The following SLC25A30 variants were observed in gnomAD, a reference collection of about 807,000 sequenced individuals.
SLC25A30 encodes kidney mitochondrial carrier protein 1.
A neutral mutation model predicts 42.7 loss-of-function variants in SLC25A30; 29 were observed. The ratio of observed to expected loss-of-function variants is 0.68; its 90% CI spans 0.51 to 0.93. The LOEUF (loss-of-function observed/expected upper bound fraction) is 0.93, where lower values mean the gene tolerates loss of function less well. Ranked by LOEUF, SLC25A30 falls within the 40% of genes least tolerant of loss-of-function variation. The pLI, the probability that SLC25A30 is intolerant of heterozygous loss-of-function variation, is 0.00. For synonymous variants in SLC25A30, 124 were observed against 131.0 expected (o/e 0.95, Z 0.37); for missense variants, 300 against 359.7 (o/e 0.83, Z 1.34).
intron 1 of SLC25A30, among the ~76,000 whole-genome samples, chr13:45,413,514 G>A (rs1343590845): frequency 6.6e-6 from 1 of 151,770 alleles, no homozygotes; most frequent in Non-Finnish European, 1.5e-5. Context: ...TTGAGCCTAG[G>A]AGTTCAAGAC....
chr13:45,432,780 T>C, the SLC25A30 span, among the ~76,000 whole-genome samples: 3 of 150,296 alleles, frequency 2.0e-5, no homozygotes, highest in Non-Finnish European at 4.4e-5. Context: ...TTTGCACCTG[T>C]AATCCCAGCA....
intron 1 of SLC25A30, among the ~76,000 whole-genome samples, chr13:45,413,553 CTCT>C (rs1478104960): frequency 2.1e-5 from 3 of 146,294 alleles, no homozygotes; most frequent in Non-Finnish European, 3.0e-5. Flanking sequence ...CAGACTCCAT[CTCT>C]TTTTTTTTTT....
chr13:45,432,876 A>C, the SLC25A30 span, among the ~76,000 whole-genome samples: 10 of 151,852 alleles, frequency 6.6e-5, no homozygotes, highest in Non-Finnish European at 8.8e-5. Context: ...CAAAAAAAAA[A>C]CAAAAAAAAA....
At chr13:45,407,195 T>G (rs1017618453) in intron 3 of SLC25A30, among the ~76,000 whole-genome samples, 2 of 152,014 alleles carry the variant, frequency 1.3e-5, no homozygotes, top group Non-Finnish European at 2.9e-5. Flanking sequence ...GTCAGGAGTT[T>G]AAGACCAGCC....
upstream of SLC25A30, among the ~76,000 whole-genome samples, chr13:45,421,854 A>G (rs1335875321): frequency 6.6e-5 from 10 of 152,196 alleles, no homozygotes; most frequent in Admixed American, 6.5e-4. Context: ...CCCTCCAGCC[A>G]TAAGAATCCA....
the SLC25A30 span, among the ~76,000 whole-genome samples, chr13:45,425,159 AAT>A: frequency 0.038 from 3,365 of 88,016 alleles, 521 homozygotes; most frequent in Non-Finnish European, 0.057. Context: ...TATATTGATA[AAT>A]ATATATAAGT....
chr13:45,424,797 T>G, the SLC25A30 span, among the ~76,000 whole-genome samples: 1 of 56,778 alleles, frequency 1.8e-5, no homozygotes, highest in Non-Finnish European at 3.2e-5. Context: ...TAAAAGAATA[T>G]AAATATATAA....
upstream of SLC25A30, among the ~76,000 whole-genome samples, chr13:45,419,952 A>G (rs148391474): frequency 2.4e-3 from 348 of 147,230 alleles, no homozygotes; most frequent in African/African-American, 8.5e-3. Context: ...CGCGAGAGAA[A>G]GAAAAGGAAA....
At position 45,399,091 on chromosome 13, in the gene SLC25A30, C is replaced by T. The variant is rs1328656616; in HGVS notation, c.615-13G>A. On this transcript the variant is annotated splice_polypyrimidine_tract_variant and intron_variant, in intron 7 of 9. Transcript: ENST00000519676. ...GGTGAAGCTTGAGCTATAAAGACAC[C>T]ATTGGAAAAAAAAAAAAAAGTTAAC... is the stretch of plus-strand genomic sequence containing the variant. The T allele has an allele frequency of 9.7e-6, 15 of 1,552,486 alleles. No individual in the cohort carries two copies. The highest frequency in any genetic ancestry group is 1.2e-5 in the Non-Finnish European group (14 of 1,155,296).
At chr13:45,429,050 C>A in the SLC25A30 span, among the ~76,000 whole-genome samples, 1 of 143,230 alleles carries the variant, frequency 7.0e-6, no homozygotes, top group East Asian at 2.0e-4. Context: ...TACATATGTG[C>A]AAGCTCTTTT....
chr13:45,423,464 T>C, the SLC25A30 span, among the ~76,000 whole-genome samples: 1 of 143,758 alleles, frequency 7.0e-6, no homozygotes, highest in African/African-American at 2.6e-5. Flanking sequence ...CATGGACCAA[T>C]TTATCCAGTA....
chr13:45,403,664 A>G (rs996654366), intron 5 of SLC25A30, among the ~76,000 whole-genome samples: 1 of 152,190 alleles, frequency 6.6e-6, no homozygotes, highest in Non-Finnish European at 1.5e-5. Context: ...CAGGCCAGGC[A>G]CGGTGGCTCA....
chr13:45,422,559 C>G (rs554994583), upstream of SLC25A30, among the ~76,000 whole-genome samples: 7 of 152,190 alleles, frequency 4.6e-5, no homozygotes, highest in African/African-American at 1.4e-4. Flanking sequence ...TTCACAATGT[C>G]TGGAGTTTTT....
chr13:45,410,820 A>C (rs1281725433), intron 2 of SLC25A30, among the ~76,000 whole-genome samples: 1 of 152,192 alleles, frequency 6.6e-6, no homozygotes, highest in Non-Finnish European at 1.5e-5. Flanking sequence ...TCAAAACAAA[A>C]AATTTTAAAA....
chr13:45,428,581 G>A, the SLC25A30 span, among the ~76,000 whole-genome samples: 1 of 144,624 alleles, frequency 6.9e-6, no homozygotes, highest in Non-Finnish European at 1.5e-5. Flanking sequence ...GGAGTGCAGT[G>A]GCGTGATCTC....
intron 7 of SLC25A30, among the ~76,000 whole-genome samples, chr13:45,400,033 T>TACATACAC (rs1555285527): frequency 1.8e-4 from 22 of 122,988 alleles, no homozygotes; most frequent in African/African-American, 6.1e-4. Flanking sequence ...TATATATATA[T>TACATACAC]ACACACACAC....
chr13:45,406,075 A>C, intron 3 of SLC25A30, 98 bp from the exon 4 acceptor site: 4 of 1,070,376 alleles, frequency 3.7e-6, no homozygotes, highest in African/African-American at 1.7e-5. Context: ...ATCAAACTAC[A>C]TTCTCTAAAA....
chr13:45,418,109 C>T, intron 1 of SLC25A30, 191 bp downstream of exon 1: 1 of 153,826 alleles, frequency 6.5e-6, no homozygotes, highest in Non-Finnish European at 1.4e-5. Flanking sequence ...GAGCCCTGTC[C>T]CCAGTCCCCG....
At chr13:45,425,081 A>AATATATTTGTATATATAC in the SLC25A30 span, among the ~76,000 whole-genome samples, 3 of 30,468 alleles carry the variant, frequency 9.8e-5, no homozygotes, top group African/African-American at 5.0e-4. Flanking sequence ...CATATATATA[A>AATATATTTGTATATATAC]ATATATAAAT....
Sources: allele counts gnomAD v4.1 joint callset (sites outside exome capture counted in the v4.1 genomes callset), GRCh38; gene constraint gnomAD v4.1.1; transcripts MANE v1.5; gene names NCBI Gene and HGNC (gene_info 2026-07-23, HGNC 2026-07-21).